The following SOSTDC1 variants were observed in gnomAD, a reference collection of about 807,000 sequenced individuals.
SOSTDC1 encodes sclerostin domain containing 1, also known as sclerostin domain-containing protein 1.
Under a neutral mutation model 15.1 loss-of-function variants are expected in SOSTDC1, and 7 were observed. The ratio of observed to expected loss-of-function variants is 0.46; its 90% CI spans 0.26 to 0.87. The LOEUF (loss-of-function observed/expected upper bound fraction) is 0.87. SOSTDC1 is among the 40% of genes least tolerant of loss of function. The pLI is 0.15. For missense variants in SOSTDC1, 242 were observed against 259.2 expected, an observed-to-expected ratio of 0.93 and a Z score of 0.46; for synonymous variants, 94 against 93.2, an observed-to-expected ratio of 1.01 and a Z score of -0.05.
At chr7:16,464,481 G>C (rs1781262835) in intron 1 of SOSTDC1, 1 of 866,048 alleles carries the variant, frequency 1.2e-6, no homozygotes, top group Non-Finnish European at 1.9e-6. Context: ...AATCAGATAT[G>C]TCCTGTGTAC....
intron 1 of SOSTDC1, 90 bp downstream of exon 1, chr7:16,465,374 G>C: frequency 9.0e-7 from 1 of 1,114,776 alleles, no homozygotes; most frequent in South Asian, 1.3e-5. Flanking sequence ...ATACGGTTCA[G>C]GTTAGTTACC....
rs746856444 is a variant in SOSTDC1 at position 16,462,521 on chromosome 7, G to C, written c.*27C>G. ...AAATCTGTAAAGCAGATGGTTACTA[G>C]TAAGTCTAGTTATGGGAGTCTGAGT... On this transcript the variant is annotated 3_prime_UTR_variant, in exon 2 of 2. Coordinates refer to ENST00000307068, the MANE Select transcript of SOSTDC1 (RefSeq NM_015464.3). The C allele has an allele frequency of 6.2e-7, 1 of 1,605,644 alleles. No homozygotes were observed. Among genetic ancestry groups the C allele is most frequent in the Non-Finnish European group, 8.5e-7 (1 of 1,173,396 alleles).
At chr7:16,463,613 C>A (rs12699801) in intron 1 of SOSTDC1, among the ~76,000 whole-genome samples, 85,469 of 151,954 alleles carry the variant, frequency 0.56, 24,596 homozygotes, top group Non-Finnish European at 0.63. Context: ...CAAACAGTAA[C>A]ATGTTTGAAA....
intron 1 of SOSTDC1, chr7:16,464,407 G>C: frequency 6.5e-7 from 1 of 1,533,848 alleles, no homozygotes; most frequent in Admixed American, 2.0e-5. Flanking sequence ...TACAGATTTG[G>C]CATTTTTGCA....
intron 1 of SOSTDC1, among the ~76,000 whole-genome samples, chr7:16,463,897 A>C (rs1336538169): frequency 1.3e-5 from 2 of 152,230 alleles, no homozygotes; most frequent in Non-Finnish European, 2.9e-5. Flanking sequence ...GCAAAAATTA[A>C]TCTTTAAATA....
chr7:16,464,369 CT>C lies in SOSTDC1; in HGVS notation c.205+1094del, dbSNP rs1462706454. 7.1e-6 allele frequency: 11 copies of C among 1,550,486 alleles called. No homozygotes were observed. The Admixed American group carries it at 2.2e-4, about 30-fold the overall frequency. On this transcript the variant is annotated intron_variant, in intron 1 of 1. Transcript: ENST00000307068. Reference sequence around the variant, plus strand: ...TGGAAATAGCCAGAAATAATTTTGTCTCGTCAAGCTTTCTGTTCCTGTGTAT... The same window carrying C: ...TGGAAATAGCCAGAAATAATTTTGTCCGTCAAGCTTTCTGTTCCTGTGTAT...
rs1781223921 is a variant in SOSTDC1 at position 16,462,374 on chromosome 7, G to A, written c.*174C>T. The stretch of plus-strand genomic sequence containing the variant: ...CCTACATCTTGAAAAACTTGAAAAG[G>A]AAAAACTATTCCCAAAGAAGGTCCT... On this transcript the variant is annotated 3_prime_UTR_variant, in exon 2 of 2. Transcript: ENST00000307068. 1 of 656,344 alleles carries A rather than the reference G, an allele frequency of 1.5e-6. No homozygotes were observed. Among genetic ancestry groups the A allele is most frequent in the Non-Finnish European group, 2.6e-6 (1 of 387,474 alleles). The allele number at this position is 656,344 out of a possible 1,614,324, so 40.7% of individuals were successfully genotyped here.
intron 1 of SOSTDC1, 138 bp from the exon 2 acceptor site, chr7:16,463,101 AC>A: frequency 1.2e-6 from 1 of 828,510 alleles, no homozygotes; most frequent in South Asian, 2.1e-5. Context: ...CTTTATTTTC[AC>A]AGTGAAAAAA....
intron 1 of SOSTDC1, among the ~76,000 whole-genome samples, chr7:16,464,650 G>T (rs1039092009): frequency 2.6e-5 from 3 of 117,290 alleles, no homozygotes; most frequent in Non-Finnish European, 5.0e-5. Flanking sequence ...CCTGCGCAGT[G>T]TTTCTCTCTC....
In SOSTDC1 at chr7:16,464,460, A is replaced by G. The variant is rs1425344578; in HGVS notation, c.205+1004T>C. ...ACGAATACCCACCACATTGCTCAGT[A>G]ATCTAATAATAATCAGATATGTCCT... On this transcript the variant is annotated intron_variant, in intron 1 of 1. Transcript: ENST00000307068. 3 of 1,012,490 alleles carry G rather than the reference A, an allele frequency of 3.0e-6. No homozygotes were observed. The African/African-American group carries it at 4.8e-5, about 16-fold the overall frequency. The allele number at this position is 1,012,490 out of a possible 1,614,324, so 62.7% of individuals were successfully genotyped here. A position where few individuals can be genotyped will look rare whatever the true frequency, so the allele number is the denominator to read the frequency against.
At chr7:16,463,400 C>A (rs564927357) in intron 1 of SOSTDC1, among the ~76,000 whole-genome samples, 20 of 151,890 alleles carry the variant, frequency 1.3e-4, no homozygotes, top group Non-Finnish European at 2.8e-4. Flanking sequence ...TTTAATTAGG[C>A]TTTTTAAAAA....
chr7:16,464,232 C>A, intron 1 of SOSTDC1: 3 of 1,030,158 alleles, frequency 2.9e-6, no homozygotes, highest in Non-Finnish European at 4.5e-6. Context: ...GCATAGAAAT[C>A]TAGAATTGTG....
In SOSTDC1 at chr7:16,462,833, G is replaced by T; in HGVS notation, c.336C>A (p.Asn112Lys). The T allele has an allele frequency of 1.2e-6, 2 of 1,614,176 alleles. No homozygotes were observed. The highest frequency in any genetic ancestry group is 1.7e-6 in the Non-Finnish European group (2 of 1,180,030). ...TTGTTCCATAGCCTCCTCCAATCCAGTTAGGGAGCACTGGCAGGGGCAAGC... is the reference window on the plus strand; with the variant it reads ...TTGTTCCATAGCCTCCTCCAATCCATTTAGGGAGCACTGGCAGGGGCAAGC... Reference protein sequence around the residue: ...GECLPLPVLPNWIGGGYGTKY... With the variant: ...GECLPLPVLPKWIGGGYGTKY... The change falls in exon 2 of 2, where the codon AAC (asparagine) becomes AAA (lysine). Residue 112 changes from asparagine (N) to lysine (K), a missense_variant. Physicochemically the swap from Asn to Lys is moderately conservative, Grantham distance 94. Transcript: ENST00000307068.
At position 16,462,481 on chromosome 7, in the gene SOSTDC1, G is replaced by A. The variant is rs975219605; in HGVS notation, c.*67C>T. The A allele has an allele frequency of 9.1e-5, 136 of 1,499,878 alleles. No homozygotes were observed. Among genetic ancestry groups the A allele is most frequent in the Non-Finnish European group, 1.2e-4 (130 of 1,090,066 alleles). The allele number at this position is 1,499,878 out of a possible 1,614,324, so 92.9% of individuals were successfully genotyped here. A position where few individuals can be genotyped will look rare whatever the true frequency, so the allele number is the denominator to read the frequency against. ...GAGAAAACAGCAGTGGCAGGCTTGA[G>A]TCTTCCAAGCAATCAAATCTGTAAA... On this transcript the variant is annotated 3_prime_UTR_variant, in exon 2 of 2. Coordinates refer to ENST00000307068, the MANE Select transcript of SOSTDC1 (RefSeq NM_015464.3).
At chr7:16,464,357 A>T in intron 1 of SOSTDC1, 1 of 1,550,572 alleles carries the variant, frequency 6.4e-7, no homozygotes, top group Middle Eastern at 1.7e-4. Context: ...AAATAGCCAG[A>T]AATAATTTTG....
At chr7:16,464,731 T>A (rs1261521350) in intron 1 of SOSTDC1, among the ~76,000 whole-genome samples, 1 of 151,850 alleles carries the variant, frequency 6.6e-6, no homozygotes, top group Non-Finnish European at 1.5e-5. Flanking sequence ...GAAACAAAAG[T>A]TAGGGGTAAT....
rs1245583696 is a variant in SOSTDC1, at chr7:16,465,458, A to G, written c.205+6T>C. ...AAAAAAAACTGTACAAGTAAAACAC[A>G]CTTACTGTTCCGATCCAGTCCAGTG... On this transcript the variant is annotated splice_donor_region_variant and intron_variant, in intron 1 of 1. Transcript: ENST00000307068. 2.5e-6 allele frequency: 4 copies of G among 1,611,902 alleles called. No homozygotes were observed. The East Asian group carries it at 8.9e-5, about 36-fold the overall frequency.
In SOSTDC1 at chr7:16,462,475, G is replaced by A. The variant is rs1781225355; in HGVS notation, c.*73C>T. The A allele has an allele frequency of 1.3e-6, 2 of 1,484,054 alleles. No homozygotes were observed. The highest frequency in any genetic ancestry group is 9.3e-7 in the Non-Finnish European group (1 of 1,077,736). 91.9% of individuals were successfully genotyped at this position (1,484,054 alleles called of 1,614,324 possible). A position where few individuals can be genotyped will look rare whatever the true frequency, so the allele number is the denominator to read the frequency against. ...TCAAGTGAGAAAACAGCAGTGGCAG[G>A]CTTGAGTCTTCCAAGCAATCAAATC... On this transcript the variant is annotated 3_prime_UTR_variant, in exon 2 of 2. Coordinates refer to ENST00000307068, the MANE Select transcript of SOSTDC1 (RefSeq NM_015464.3).
intron 1 of SOSTDC1, chr7:16,464,350 T>C: frequency 1.3e-6 from 2 of 1,550,572 alleles, no homozygotes; most frequent in Non-Finnish European, 1.7e-6. Context: ...CACCTGGAAA[T>C]AGCCAGAAAT....
Sources: gnomAD v4.1 joint callset for allele counts (sites outside exome capture counted in the v4.1 genomes callset) on GRCh38, gnomAD v4.1.1 for gene constraint, MANE v1.5 for transcripts, NCBI Gene and HGNC (gene_info 2026-07-23, HGNC 2026-07-21) for gene names.